SPMAP2L: variants seen among roughly 807,000 people sequenced by gnomAD.
SPMAP2L encodes sperm microtubule associated protein 2 like.
the SPMAP2L span, among the ~76,000 whole-genome samples, chr4:56,580,450 A>T: frequency 6.6e-6 from 1 of 152,186 alleles, no homozygotes; most frequent in African/African-American, 2.4e-5. Flanking sequence ...ATGCTAAACA[A>T]GCTAGGCATG....
chr4:56,604,522 G>A, the SPMAP2L span, among the ~76,000 whole-genome samples: 1 of 152,042 alleles, frequency 6.6e-6, no homozygotes, highest in African/African-American at 2.4e-5. Context: ...GCCTGGTGTG[G>A]TGGTACACAC....
the SPMAP2L span, chr4:56,548,800 T>C: frequency 1.3e-6 from 2 of 1,490,012 alleles, no homozygotes; most frequent in South Asian, 1.3e-5. Flanking sequence ...CAAATCCTGT[T>C]TCCTGTGACT....
chr4:56,603,083 A>T, the SPMAP2L span: 1 of 524,318 alleles, frequency 1.9e-6, no homozygotes, highest in Non-Finnish European at 3.3e-6. Context: ...TTATCTGTAT[A>T]GTGGAGGTCA....
At chr4:56,575,737 C>A in the SPMAP2L span, 1 of 1,203,696 alleles carries the variant, frequency 8.3e-7, no homozygotes, top group African/African-American at 1.5e-5. Context: ...ATTTCATGAG[C>A]TAAGAGTCCA....
the SPMAP2L span, among the ~76,000 whole-genome samples, chr4:56,602,101 A>G: frequency 3.9e-5 from 6 of 152,174 alleles, no homozygotes; most frequent in African/African-American, 1.4e-4. Flanking sequence ...TCAAATAGAT[A>G]AGAATATATA....
chr4:56,548,576 A>T, the SPMAP2L span, among the ~76,000 whole-genome samples: 3 of 152,126 alleles, frequency 2.0e-5, no homozygotes, highest in African/African-American at 4.8e-5. Context: ...GATCAAGTAG[A>T]TATTCTCTTA....
chr4:56,559,165 G>A, the SPMAP2L span, among the ~76,000 whole-genome samples: 1 of 151,698 alleles, frequency 6.6e-6, no homozygotes, highest in Admixed American at 6.6e-5. Flanking sequence ...AACTCCTGTG[G>A]TGGTGCGTGC....
At chr4:56,562,085 C>T in the SPMAP2L span, among the ~76,000 whole-genome samples, 3,660 of 152,026 alleles carry the variant, frequency 0.024, 126 homozygotes, top group African/African-American at 0.074. Context: ...AATTATAGCA[C>T]GGGGGCAAAG....
the SPMAP2L span, chr4:56,548,839 A>G: frequency 6.8e-7 from 1 of 1,463,128 alleles, no homozygotes; most frequent in South Asian, 1.4e-5. Context: ...ACATAGTTAT[A>G]GTACTATTTT....
At chr4:56,582,756 G>A in the SPMAP2L span, among the ~76,000 whole-genome samples, 1 of 151,950 alleles carries the variant, frequency 6.6e-6, no homozygotes, top group Non-Finnish European at 1.5e-5. Context: ...ACACAAAACT[G>A]GTACACAAAT....
At chr4:56,609,725 G>A in the SPMAP2L span, among the ~76,000 whole-genome samples, 1 of 152,150 alleles carries the variant, frequency 6.6e-6, no homozygotes, top group Non-Finnish European at 1.5e-5. Flanking sequence ...TTAATAAAGA[G>A]CTTGAGAGAG....
the SPMAP2L span, among the ~76,000 whole-genome samples, chr4:56,572,190 A>G: frequency 6.6e-6 from 1 of 152,202 alleles, no homozygotes; most frequent in Non-Finnish European, 1.5e-5. Context: ...TTTTACAGGG[A>G]AGTTAAAAAA....
the SPMAP2L span, chr4:56,584,444 T>C: frequency 1.7e-6 from 2 of 1,192,332 alleles, no homozygotes; most frequent in Non-Finnish European, 2.4e-6. Context: ...AAAATCCAGT[T>C]GTTGTTTCTC....
At chr4:56,531,006 C>T in the SPMAP2L span, 1 of 1,535,452 alleles carries the variant, frequency 6.5e-7, no homozygotes, top group Non-Finnish European at 8.7e-7. Context: ...ATGCAGCCCC[C>T]AAACTCCTCA....
the SPMAP2L span, among the ~76,000 whole-genome samples, chr4:56,533,124 T>C: frequency 2.6e-5 from 4 of 152,216 alleles, no homozygotes. Context: ...ATTCTTGCCT[T>C]GTTAAATCGA....
At chr4:56,620,637 G>A in the SPMAP2L span, among the ~76,000 whole-genome samples, 3 of 152,118 alleles carry the variant, frequency 2.0e-5, no homozygotes, top group Non-Finnish European at 2.9e-5. Context: ...TGCCCGCCTC[G>A]GCCTCCCAAA....
At chr4:56,602,103 G>T in the SPMAP2L span, among the ~76,000 whole-genome samples, 13 of 152,090 alleles carry the variant, frequency 8.5e-5, no homozygotes, top group African/African-American at 3.1e-4. Flanking sequence ...AAATAGATAA[G>T]AATATATAAT....
the SPMAP2L span, among the ~76,000 whole-genome samples, chr4:56,577,351 C>T: frequency 1.6e-3 from 243 of 152,158 alleles, 10 homozygotes; most frequent in East Asian, 0.044. Context: ...CACAAATAGA[C>T]TGAAAGTAAA....
chr4:56,531,519 C>G, the SPMAP2L span, among the ~76,000 whole-genome samples: 25 of 152,240 alleles, frequency 1.6e-4, no homozygotes, highest in East Asian at 3.9e-3. Flanking sequence ...TGAATGTTAC[C>G]CTTATTAGAG....
Sources: allele counts gnomAD v4.1 joint callset (sites outside exome capture counted in the v4.1 genomes callset), GRCh38; gene constraint gnomAD v4.1.1; transcripts MANE v1.5; gene names NCBI Gene and HGNC (gene_info 2026-07-23, HGNC 2026-07-21).